SEC24B: variants seen among roughly 807,000 people sequenced by gnomAD.
SEC24B encodes the protein protein transport protein Sec24B.
A neutral mutation model predicts 142.8 loss-of-function variants in SEC24B; 45 were observed. That is an observed-to-expected ratio of 0.32 (90% CI 0.25 to 0.40). The LOEUF is 0.40. Ranked by LOEUF, SEC24B falls within the 10% of genes least tolerant of loss-of-function variation. The probability of loss-of-function intolerance (pLI) is 1.00; values close to 1 mark genes in which losing one functional copy is unlikely to be tolerated. For missense variants in SEC24B, 1,409 were observed against 1,526.8 expected, an observed-to-expected ratio of 0.92 and a Z score of 1.29; for synonymous variants, 574 against 568.2, an observed-to-expected ratio of 1.01 and a Z score of -0.15.
intron 21 of SEC24B, 97 bp downstream of exon 21, chr4:109,532,840 G>C (rs1725079368): frequency 1.6e-6 from 1 of 626,128 alleles, no homozygotes; most frequent in Non-Finnish European, 2.9e-6. Flanking sequence ...AGCAAGTAGT[G>C]AAAGGTGAAT....
intron 3 of SEC24B, 140 bp downstream of exon 3, chr4:109,473,326 A>G (rs980402741): frequency 9.7e-5 from 49 of 505,858 alleles, no homozygotes; most frequent in Non-Finnish European, 1.5e-4. Flanking sequence ...TATGTTTTAC[A>G]TAATTACATA....
At chr4:109,500,286 G>A (rs921711592) in intron 6 of SEC24B, among the ~76,000 whole-genome samples, 1 of 152,116 alleles carries the variant, frequency 6.6e-6, no homozygotes, top group East Asian at 1.9e-4. Context: ...GCTCACACCT[G>A]TAATCCCAGC....
At chr4:109,495,199 A>AT (rs1735414341) in intron 6 of SEC24B, among the ~76,000 whole-genome samples, 2 of 152,186 alleles carry the variant, frequency 1.3e-5, no homozygotes, top group Non-Finnish European at 1.5e-5. Flanking sequence ...TTTTAAAAAA[A>AT]TTTTATATTA....
chr4:109,476,007 GAGAC>G (rs1411586992), intron 3 of SEC24B, among the ~76,000 whole-genome samples: 6 of 72,760 alleles, frequency 8.2e-5, no homozygotes, highest in Non-Finnish European at 1.7e-4. Flanking sequence ...TTTTTTTTTT[GAGAC>G]AGACTCACTC....
In SEC24B at chr4:109,516,645, GAA is replaced by G. The variant is rs746175817; in HGVS notation, c.2126+6_2126+7del. On this transcript the variant is annotated splice_donor_region_variant and intron_variant, in intron 11 of 23. Coordinates refer to ENST00000265175, the MANE Select transcript of SEC24B (RefSeq NM_006323.5). Reference sequence around the variant, plus strand: ...ACTCCTAGAAAATCTAGACAAGTAAGAATATTTTTAATTCATACTATACATAT... The same window carrying G: ...ACTCCTAGAAAATCTAGACAAGTAAGTATTTTTAATTCATACTATACATAT... 1.0e-5 allele frequency: 15 copies of G among 1,502,950 alleles called. No individual in the cohort carries two copies. The highest frequency in any genetic ancestry group is 1.4e-5 in the Non-Finnish European group (15 of 1,083,452). The allele number at this position is 1,502,950 out of a possible 1,614,324, so 93.1% of individuals were successfully genotyped here. A position where few individuals can be genotyped will look rare whatever the true frequency, so the allele number is the denominator to read the frequency against.
chr4:109,515,814 C>T (rs1018951858), intron 10 of SEC24B, among the ~76,000 whole-genome samples: 1 of 151,918 alleles, frequency 6.6e-6, no homozygotes, highest in Non-Finnish European at 1.5e-5. Context: ...CTGAGGCGGG[C>T]GGATCAAGTG....
intron 2 of SEC24B, among the ~76,000 whole-genome samples, chr4:109,470,031 TA>T (rs1561098203): frequency 6.6e-6 from 1 of 152,110 alleles, no homozygotes; most frequent in East Asian, 1.9e-4. Flanking sequence ...AAAAGCAAAT[TA>T]AAACTAGAAT....
At chr4:109,522,075 G>A (rs1459848835) in intron 14 of SEC24B, among the ~76,000 whole-genome samples, 3 of 145,312 alleles carry the variant, frequency 2.1e-5, no homozygotes, top group Admixed American at 7.0e-5. Context: ...TTTTTGAGAC[G>A]GAGTCTTGCT....
chr4:109,466,413 G>C (rs28412073), intron 2 of SEC24B, among the ~76,000 whole-genome samples: 16,902 of 152,042 alleles, frequency 0.11, 3,115 homozygotes, highest in African/African-American at 0.38. Flanking sequence ...TTTGTGTTTT[G>C]TTTTGTTTTG....
At chr4:109,447,346 G>C (rs80060589) in intron 1 of SEC24B, among the ~76,000 whole-genome samples, 6 of 26,794 alleles carry the variant, frequency 2.2e-4, no homozygotes, top group South Asian at 4.3e-3. Context: ...TAAAAAAAAA[G>C]TTTCAAAAAA....
chr4:109,495,797 C>G (rs1161952938), intron 6 of SEC24B, among the ~76,000 whole-genome samples: 1 of 152,166 alleles, frequency 6.6e-6, no homozygotes, highest in South Asian at 2.1e-4. Context: ...TTCACTCTTG[C>G]AGGCTCCCAG....
At chr4:109,452,797 A>G (rs1457911915) in intron 1 of SEC24B, among the ~76,000 whole-genome samples, 1 of 152,098 alleles carries the variant, frequency 6.6e-6, no homozygotes, top group African/African-American at 2.4e-5. Flanking sequence ...TTTTTTATTG[A>G]GTATCTGATT....
intron 1 of SEC24B, 132 bp from the exon 2 acceptor site, chr4:109,462,769 A>C: frequency 1.4e-6 from 1 of 731,248 alleles, no homozygotes; most frequent in South Asian, 1.8e-5. Flanking sequence ...TAATGGGTCT[A>C]TAACAGTGTA....
At chr4:109,474,566 A>C (rs1280023875) in intron 3 of SEC24B, among the ~76,000 whole-genome samples, 1 of 151,896 alleles carries the variant, frequency 6.6e-6, no homozygotes, top group Non-Finnish European at 1.5e-5. Flanking sequence ...CTGGGATTAC[A>C]GGCGCACGCC....
At chr4:109,526,858 T>C (rs1306026637) in intron 17 of SEC24B, among the ~76,000 whole-genome samples, 3 of 152,236 alleles carry the variant, frequency 2.0e-5, no homozygotes, top group Admixed American at 2.0e-4. Flanking sequence ...ATTGTAAAAC[T>C]TGGTTTTTAC....
intron 1 of SEC24B, among the ~76,000 whole-genome samples, chr4:109,455,417 AT>A: frequency 6.6e-6 from 1 of 151,836 alleles, no homozygotes. Context: ...TGCCCGGCTA[AT>A]TTTGTAGAGA....
intron 1 of SEC24B, among the ~76,000 whole-genome samples, chr4:109,452,605 G>A (rs1213073073): frequency 6.6e-6 from 1 of 152,210 alleles, no homozygotes; most frequent in East Asian, 1.9e-4. Flanking sequence ...GTTTTTGATA[G>A]TGTCTTGTTG....
intron 7 of SEC24B, among the ~76,000 whole-genome samples, chr4:109,508,640 A>G (rs1385484395): frequency 1.3e-5 from 2 of 152,314 alleles, no homozygotes; most frequent in South Asian, 2.1e-4. Flanking sequence ...GGGAAGGCAT[A>G]CATTTTTCTA....
At chr4:109,493,641 T>G (rs1365462932) in intron 5 of SEC24B, among the ~76,000 whole-genome samples, 2 of 152,090 alleles carry the variant, frequency 1.3e-5, no homozygotes, top group Non-Finnish European at 2.9e-5. Context: ...CTTTTTTTTT[T>G]TTTTTGAGAC....
Sources: gnomAD v4.1 joint callset for allele counts (sites outside exome capture counted in the v4.1 genomes callset) on GRCh38, gnomAD v4.1.1 for gene constraint, MANE v1.5 for transcripts, NCBI Gene and HGNC (gene_info 2026-07-23, HGNC 2026-07-21) for gene names.